Variants in ZNRF3 observed in about 807,000 individuals in gnomAD.
The protein encoded by ZNRF3 is zinc and ring finger 3.
Under a neutral mutation model 72.5 loss-of-function variants are expected in ZNRF3, and 23 were observed. The ratio of observed to expected loss-of-function variants is 0.32; its 90% CI spans 0.23 to 0.45. The LOEUF (loss-of-function observed/expected upper bound fraction) is 0.45, where lower values mean the gene tolerates loss of function less well. ZNRF3 is among the 20% of genes least tolerant of loss of function. ZNRF3 has a pLI of 1.00. For synonymous variants in ZNRF3, 610 were observed against 545.3 expected (o/e 1.12, Z -1.65); for missense variants, 1,169 against 1,272.1 (o/e 0.92, Z 1.23).
At chr22:29,033,447 C>T (rs894593784) in intron 2 of ZNRF3, among the ~76,000 whole-genome samples, 1 of 151,742 alleles carries the variant, frequency 6.6e-6, no homozygotes, top group Non-Finnish European at 1.5e-5. Context: ...CACATCTTAC[C>T]CTAAGAGCAG....
At chr22:28,989,150 T>A (rs1224609996) in intron 2 of ZNRF3, among the ~76,000 whole-genome samples, 1 of 152,234 alleles carries the variant, frequency 6.6e-6, no homozygotes, top group Non-Finnish European at 1.5e-5. Flanking sequence ...TGGTTCTACC[T>A]GCTTGCAAGC....
At chr22:28,886,453 C>G (rs2033789443) in intron 1 of ZNRF3, among the ~76,000 whole-genome samples, 1 of 152,028 alleles carries the variant, frequency 6.6e-6, no homozygotes, top group East Asian at 1.9e-4. Context: ...TTAAATAAAC[C>G]TCCTTTTGTT....
rs2035770912 is a variant in ZNRF3 at position 28,981,899 on chromosome 22, A to G, written c.301-5177A>G. Among the ~76,000 whole-genome samples the G allele has an allele frequency of 2.6e-5, 4 of 152,148 alleles. No individual in the cohort carries two copies. In the South Asian group the frequency reaches 8.3e-4, roughly 32 times the overall value. The stretch of plus-strand genomic sequence containing the variant: ...CTAATCCCAGCTACTCAAGAGGCTG[A>G]GGCAAGAGAATTGCTTGAACCCGGG... On this transcript the variant is annotated intron_variant, in intron 1 of 8. Transcript: ENST00000544604.
chr22:28,932,629 G>C (rs774923901), intron 1 of ZNRF3, among the ~76,000 whole-genome samples: 21 of 152,164 alleles, frequency 1.4e-4, no homozygotes, highest in Non-Finnish European at 2.4e-4. Flanking sequence ...CAGCTGAGAG[G>C]CAAAACTGGG....
At chr22:29,012,038 G>A (rs1347832743) in intron 2 of ZNRF3, among the ~76,000 whole-genome samples, 1 of 152,234 alleles carries the variant, frequency 6.6e-6, no homozygotes, top group African/African-American at 2.4e-5. Context: ...GTCTGGGCCG[G>A]AGCAGCTGGG....
At chr22:28,904,932 GAA>G (rs1213822440) in intron 1 of ZNRF3, among the ~76,000 whole-genome samples, 1 of 148,624 alleles carries the variant, frequency 6.7e-6, no homozygotes, top group East Asian at 2.0e-4. Context: ...GGCATTGTGT[GAA>G]AGTGTCTTTT....
chr22:28,964,118 A>G (rs2035415810), intron 1 of ZNRF3, among the ~76,000 whole-genome samples: 1 of 152,184 alleles, frequency 6.6e-6, no homozygotes, highest in Non-Finnish European at 1.5e-5. Context: ...AGTAGCTGTC[A>G]GATGGATGGA....
At chr22:29,004,206 G>A (rs936064709) in intron 2 of ZNRF3, among the ~76,000 whole-genome samples, 5 of 152,244 alleles carry the variant, frequency 3.3e-5, no homozygotes, top group Admixed American at 6.5e-5. Context: ...CAGATAGGAC[G>A]CCATTTGACT....
rs575108719 is a variant in ZNRF3 at position 29,050,083 on chromosome 22, G to A, written c.1902G>A (p.Pro634=). The A allele has an allele frequency of 9.1e-5, 147 of 1,607,952 alleles. No homozygotes were observed. Among genetic ancestry groups the A allele is most frequent in the South Asian group, 7.4e-4 (67 of 90,878 alleles). The change falls in exon 8 of 9, where the codon CCG becomes CCA. Residue 634 remains proline (P), a synonymous_variant. Coordinates refer to ENST00000544604, the MANE Select transcript of ZNRF3 (RefSeq NM_001206998.2). ...GCTCCCCGCCTCCCGAGGAGCTCCC[G>A]GCGGTGCACAGTCATGGTGCTGGGC... ...FEGSPPPEEL[P]AVHSHGAGRG...
rs1289259418 is a variant in ZNRF3 at position 29,050,420 on chromosome 22, G to A, written c.2239G>A (p.Gly747Ser). ...PHLYEGSGPA[G>S]GEPQSGSSQG... Reference sequence around the variant, plus strand: ...CCTCTACGAGGGCTCTGGCCCGGCGGGTGGGGAGCCCCAGTCAGGAAGCTC... The same window carrying A: ...CCTCTACGAGGGCTCTGGCCCGGCGAGTGGGGAGCCCCAGTCAGGAAGCTC... Residue 747 changes from glycine to serine, a missense_variant, in exon 8 of 9, where the codon GGT (glycine) becomes AGT (serine). Coordinates refer to ENST00000544604, the MANE Select transcript of ZNRF3 (RefSeq NM_001206998.2). 6.2e-7 allele frequency: 1 copy of A among 1,608,104 alleles called. No homozygotes were observed. Among genetic ancestry groups the A allele is most frequent in the African/African-American group, 1.3e-5 (1 of 74,842 alleles).
intron 1 of ZNRF3, among the ~76,000 whole-genome samples, chr22:28,964,438 T>C (rs949692744): frequency 6.6e-6 from 1 of 152,154 alleles, no homozygotes; most frequent in Non-Finnish European, 1.5e-5. Flanking sequence ...AGGCTGAGCC[T>C]GGGCCAGGGG....
chr22:28,966,881 T>C (rs1308776336), intron 1 of ZNRF3, among the ~76,000 whole-genome samples: 1 of 144,276 alleles, frequency 6.9e-6, no homozygotes, highest in Non-Finnish European at 1.5e-5. Context: ...TTTTTTTTTT[T>C]TTTTTTTTGA....
intron 1 of ZNRF3, among the ~76,000 whole-genome samples, chr22:28,965,517 C>A (rs115714622): frequency 2.2e-3 from 329 of 152,326 alleles, no homozygotes; most frequent in African/African-American, 7.4e-3. Context: ...TTCTTAACCA[C>A]CCTGCCTCAG....
chr22:28,996,056 G>A (rs970178376), intron 2 of ZNRF3, among the ~76,000 whole-genome samples: 2 of 151,854 alleles, frequency 1.3e-5, no homozygotes, highest in Non-Finnish European at 2.9e-5. Flanking sequence ...GATTACAGGC[G>A]TGAGCCACTG....
In ZNRF3 at chr22:28,903,788, G is replaced by A. The variant is rs149984211; in HGVS notation, c.300+19722G>A. Among the ~76,000 whole-genome samples, 1,211 of 152,222 alleles carry A rather than the reference G, an allele frequency of 8.0e-3. 18 individuals carry two copies. The highest frequency in any genetic ancestry group is 0.028 in the African/African-American group (1,161 of 41,534). ...GTCAAGGCCAAAGAAAGGATTTGCC[G>A]TCCTGATGGAACTTTCCTAACTGGG... is the stretch of plus-strand genomic sequence containing the variant. On this transcript the variant is annotated intron_variant, in intron 1 of 8. Coordinates refer to ENST00000544604, the MANE Select transcript of ZNRF3 (RefSeq NM_001206998.2).
rs1377896949 is a variant in ZNRF3, at chr22:29,048,939, C to T, written c.1016-258C>T. The stretch of plus-strand genomic sequence containing the variant: ...CATCTTTGAATCCGATTCTTTTCTG[C>T]AGACTTCTGTGGTGCCCTGTCAGGC... On this transcript the variant is annotated intron_variant, in intron 7 of 8. Transcript: ENST00000544604. The surrounding 1 kb of genome is among the most constrained non-coding windows in gnomAD (Gnocchi z 4.9). Among the ~76,000 whole-genome samples, 1 of 152,132 alleles carries T rather than the reference C, an allele frequency of 6.6e-6. No homozygotes were observed. The highest frequency in any genetic ancestry group is 1.9e-4 in the East Asian group (1 of 5,170).
chr22:29,023,452 A>T (rs940797739), intron 2 of ZNRF3, among the ~76,000 whole-genome samples: 1 of 152,324 alleles, frequency 6.6e-6, no homozygotes, highest in Non-Finnish European at 1.5e-5. Context: ...CATGTTGCCT[A>T]AGAGACCCTC....
chr22:28,989,227 G>A (rs1326627480), intron 2 of ZNRF3, among the ~76,000 whole-genome samples: 2 of 152,166 alleles, frequency 1.3e-5, no homozygotes, highest in East Asian at 3.8e-4. Flanking sequence ...AGTCATTGCA[G>A]TTTGGCTTTG....
At chr22:28,962,585 C>A (rs961984586) in intron 1 of ZNRF3, among the ~76,000 whole-genome samples, 1 of 152,200 alleles carries the variant, frequency 6.6e-6, no homozygotes, top group Admixed American at 6.5e-5. Flanking sequence ...ATCATTTCTT[C>A]CATAGTTATA....
Sources: gnomAD v4.1 joint callset for allele counts (sites outside exome capture counted in the v4.1 genomes callset) on GRCh38, gnomAD v4.1.1 for gene constraint, Gnocchi (gnomAD v3.1) non-coding constraint, MANE v1.5 for transcripts, NCBI Gene and HGNC (gene_info 2026-07-23, HGNC 2026-07-21) for gene names.